GPR39: variants seen among roughly 807,000 people sequenced by gnomAD.
The protein encoded by GPR39 is G protein-coupled receptor 39.
GPR39 carries 23 observed loss-of-function variants against 18.4 expected under a neutral mutation model. The observed-to-expected ratio is 1.25, with a 90% confidence interval of 0.90 to 1.77. The LOEUF (loss-of-function observed/expected upper bound fraction) is 1.77. Among genes scored for constraint, GPR39 ranks in the 40% most tolerant of loss-of-function variants. The pLI is 0.00. For missense variants in GPR39, 647 were observed against 602.4 expected (o/e 1.07, Z -0.78); for synonymous variants, 280 against 257.9 (o/e 1.09, Z -0.82).
chr2:132,602,882 A>AC (rs1553459520), intron 1 of GPR39, among the ~76,000 whole-genome samples: 5 of 151,602 alleles, frequency 3.3e-5, no homozygotes, highest in Admixed American at 1.3e-4. Flanking sequence ...AAAAAAAAAA[A>AC]AAACAAATGC....
At chr2:132,503,131 G>A (rs1679076419) in intron 1 of GPR39, among the ~76,000 whole-genome samples, 1 of 152,154 alleles carries the variant, frequency 6.6e-6, no homozygotes, top group Non-Finnish European at 1.5e-5. Context: ...TCTTTTGGGG[G>A]TGTTAAAGAA....
intron 1 of GPR39, among the ~76,000 whole-genome samples, chr2:132,573,253 C>T (rs1398946732): frequency 1.3e-5 from 2 of 152,286 alleles, no homozygotes; most frequent in East Asian, 1.9e-4. Flanking sequence ...CTTTAGAAGC[C>T]TCCATTTTCC....
chr2:132,627,430 T>G (rs781440054), intron 1 of GPR39, among the ~76,000 whole-genome samples: 16 of 152,306 alleles, frequency 1.1e-4, no homozygotes, highest in Non-Finnish European at 2.1e-4. Flanking sequence ...TGTCTTTACC[T>G]CAAACCCAGG....
rs944116191 is a variant in GPR39, at chr2:132,595,869, G to A, written c.857-49232G>A. Among the ~76,000 whole-genome samples, 9 of 152,256 alleles carry A rather than the reference G, an allele frequency of 5.9e-5. No homozygotes were observed. In the East Asian group the frequency reaches 7.7e-4, roughly 13 times the overall value. On this transcript the variant is annotated intron_variant, in intron 1 of 1. Coordinates refer to ENST00000329321, the MANE Select transcript of GPR39 (RefSeq NM_001508.3). ...TGCTAGGGAGACTTTAATTATAACC[G>A]TGCTCTTGAGCTCCCTTGGCAACAC...
intron 1 of GPR39, among the ~76,000 whole-genome samples, chr2:132,605,561 A>T (rs1039609182): frequency 5.3e-5 from 8 of 152,180 alleles, no homozygotes; most frequent in African/African-American, 1.9e-4. Flanking sequence ...GGGAAGCTGC[A>T]GTCATTCATA....
intron 1 of GPR39, among the ~76,000 whole-genome samples, chr2:132,466,821 G>C (rs1047653797): frequency 6.6e-6 from 1 of 152,124 alleles, no homozygotes; most frequent in Admixed American, 6.5e-5. Context: ...TCTGTGCCCA[G>C]AGAGCACTTG....
At position 132,490,165 on chromosome 2, in the gene GPR39, G is replaced by A. The variant is rs1214706730; in HGVS notation, c.856+72267G>A. On this transcript the variant is annotated intron_variant, in intron 1 of 1. Coordinates refer to ENST00000329321, the MANE Select transcript of GPR39 (RefSeq NM_001508.3). ...AGAGAAATTCATCTCCCTTAAGGAAGGAGAGGAGAGAGAGAAATAGAAGTT... is the reference window on the plus strand; with the variant it reads ...AGAGAAATTCATCTCCCTTAAGGAAAGAGAGGAGAGAGAGAAATAGAAGTT... 3.9e-5 allele frequency among the ~76,000 whole-genome samples: 6 copies of A among 152,060 alleles called. No homozygotes were observed. The East Asian group carries it at 9.7e-4, about 24-fold the overall frequency.
chr2:132,494,261 C>T (rs1681595973), intron 1 of GPR39, among the ~76,000 whole-genome samples: 1 of 152,190 alleles, frequency 6.6e-6, no homozygotes, highest in South Asian at 2.1e-4. Flanking sequence ...GATGCCTCCA[C>T]ATCCTCCTGA....
intron 1 of GPR39, among the ~76,000 whole-genome samples, chr2:132,474,545 A>G (rs1354699503): frequency 6.6e-6 from 1 of 152,238 alleles, no homozygotes; most frequent in Non-Finnish European, 1.5e-5. Context: ...TCAGCTCACC[A>G]GCTTGTGCAT....
chr2:132,493,219 C>T (rs1418792132), intron 1 of GPR39, among the ~76,000 whole-genome samples: 2 of 140,496 alleles, frequency 1.4e-5, no homozygotes, highest in Non-Finnish European at 3.0e-5. Flanking sequence ...TATATGTACA[C>T]CATATATACA....
intron 1 of GPR39, among the ~76,000 whole-genome samples, chr2:132,588,767 C>CAATA (rs1370609777): frequency 1.3e-5 from 2 of 152,208 alleles, no homozygotes; most frequent in Non-Finnish European, 2.9e-5. Context: ...CTATCACATG[C>CAATA]TATTCATAGA....
At chr2:132,559,797 G>A (rs564164334) in intron 1 of GPR39, among the ~76,000 whole-genome samples, 3 of 152,188 alleles carry the variant, frequency 2.0e-5, no homozygotes, top group African/African-American at 7.2e-5. Context: ...ATCACCTGGG[G>A]ACCTGTGACA....
chr2:132,552,012 C>A (rs1394889675), intron 1 of GPR39, among the ~76,000 whole-genome samples: 7 of 152,164 alleles, frequency 4.6e-5, no homozygotes. Flanking sequence ...TGGACAGTCA[C>A]CCCTTTGTAA....
At chr2:132,435,541 G>A (rs1165737064) in intron 1 of GPR39, among the ~76,000 whole-genome samples, 1 of 152,190 alleles carries the variant, frequency 6.6e-6, no homozygotes, top group Non-Finnish European at 1.5e-5. Flanking sequence ...AAGTCTTTGG[G>A]GAGTCCAAGG....
chr2:132,631,519 G>T (rs1275405858), intron 1 of GPR39, among the ~76,000 whole-genome samples: 1 of 152,132 alleles, frequency 6.6e-6, no homozygotes, highest in East Asian at 1.9e-4. Flanking sequence ...ACTGATTTCT[G>T]TTGAGACCCT....
Position 132,535,695 on chromosome 2 carries a change from C to CTTTTTTTTTTTTTTTTTTTTTTTTT in GPR39, c.857-109395_857-109394insTTTTTTTTTTTTTTTTTTTTTTTTT, listed in dbSNP as rs753801511. 3.3e-4 allele frequency among the ~76,000 whole-genome samples: 32 copies of CTTTTTTTTTTTTTTTTTTTTTTTTT among 96,466 alleles called. 4 individuals are homozygous for CTTTTTTTTTTTTTTTTTTTTTTTTT. The highest frequency in any genetic ancestry group is 4.4e-4 in the Admixed American group (4 of 9,100). 63.3% of individuals were successfully genotyped at this position (96,466 alleles called of 152,430 possible). On this transcript the variant is annotated intron_variant, in intron 1 of 1. Coordinates refer to ENST00000329321, the MANE Select transcript of GPR39 (RefSeq NM_001508.3). ...GGCTGTGAATCCATCTGGTCCTGGG[C>CTTTTTTTTTTTTTTTTTTTTTTTTT]TTTTTTTTTTTGGTTGGTAGGCTAT... is the stretch of plus-strand genomic sequence containing the variant.
intron 1 of GPR39, among the ~76,000 whole-genome samples, chr2:132,518,861 G>A (rs1464887305): frequency 2.0e-5 from 3 of 152,092 alleles, no homozygotes; most frequent in Admixed American, 2.0e-4. Context: ...TCAAAATCCA[G>A]CGTGTATTTT....
At chr2:132,577,752 TCA>T (rs1680554105) in intron 1 of GPR39, among the ~76,000 whole-genome samples, 1 of 152,210 alleles carries the variant, frequency 6.6e-6, no homozygotes, top group African/African-American at 2.4e-5. Context: ...CTTATTGAAC[TCA>T]CTTATTCTAG....
chr2:132,514,353 C>T (rs1179130126), intron 1 of GPR39, among the ~76,000 whole-genome samples: 1 of 152,182 alleles, frequency 6.6e-6, no homozygotes. Context: ...CCACTGTACA[C>T]CCTCACCATT....
Sources: gnomAD v4.1 joint callset for allele counts (sites outside exome capture counted in the v4.1 genomes callset) on GRCh38, gnomAD v4.1.1 for gene constraint, MANE v1.5 for transcripts, NCBI Gene and HGNC (gene_info 2026-07-23, HGNC 2026-07-21) for gene names.